Variants in CERS3 observed in about 807,000 individuals in gnomAD.
The protein encoded by CERS3 is LAG1 homolog, ceramide synthase 3.
A neutral mutation model predicts 50.3 loss-of-function variants in CERS3; 33 were observed. The observed-to-expected ratio is 0.66, with a 90% CI of 0.50 to 0.88. CERS3 has a LOEUF of 0.88. Ranked by LOEUF, CERS3 falls within the 40% of genes least tolerant of loss-of-function variation. The pLI, the probability that CERS3 is intolerant of heterozygous loss-of-function variation, is 0.00. For missense variants in CERS3, 470 were observed against 460.3 expected (o/e 1.02, Z -0.19); for synonymous variants, 176 against 155.2 (o/e 1.13, Z -0.99).
At chr15:100,478,823 A>G in intron 7 of CERS3, among the ~76,000 whole-genome samples, 1 of 152,210 alleles carries the variant, frequency 6.6e-6, no homozygotes. Flanking sequence ...GAGGATAATA[A>G]TCCCAGATGG....
chr15:100,442,430 T>G (rs2033720890), intron 11 of CERS3, among the ~76,000 whole-genome samples: 1 of 152,130 alleles, frequency 6.6e-6, no homozygotes, highest in Non-Finnish European at 1.5e-5. Context: ...ACAATGTATT[T>G]CTGAGTTGCA....
chr15:100,455,118 G>T (rs1165077257), intron 11 of CERS3, among the ~76,000 whole-genome samples: 3 of 152,004 alleles, frequency 2.0e-5, no homozygotes, highest in Admixed American at 1.3e-4. Context: ...TAAAGAAGAG[G>T]GAACTCTTAT....
chr15:100,543,923 T>G (rs1288590846), intron 1 of CERS3, among the ~76,000 whole-genome samples: 1 of 152,194 alleles, frequency 6.6e-6, no homozygotes, highest in Admixed American at 6.5e-5. Context: ...TAAAAGGGTA[T>G]CTTTAGTGTT....
chr15:100,405,622 T>C (rs1157836047), intron 11 of CERS3, among the ~76,000 whole-genome samples: 2 of 152,190 alleles, frequency 1.3e-5, no homozygotes, highest in African/African-American at 4.8e-5. Context: ...ATGAATATCA[T>C]TTTCATGACA....
intron 1 of CERS3, among the ~76,000 whole-genome samples, chr15:100,522,893 A>C (rs185909962): frequency 1.3e-5 from 2 of 152,358 alleles, no homozygotes; most frequent in Admixed American, 6.5e-5. Context: ...TCAGTTTAAC[A>C]GATATTGCTG....
rs776669220 is a variant in CERS3 at position 100,401,398 on chromosome 15, G to C, written c.*1315C>G. On this transcript the variant is annotated 3_prime_UTR_variant, in exon 12 of 12. Coordinates refer to ENST00000679737, the MANE Select transcript of CERS3 (RefSeq NM_001378789.1). ...CTCTGGTGACAAGGCCGCAAGGGAG[G>C]CAGGGACGTGTGCAAGTCTTCTCCG... is the stretch of plus-strand genomic sequence containing the variant. 3.3e-5 allele frequency: 5 copies of C among 152,348 alleles called. No individual in the cohort carries two copies. Among genetic ancestry groups the C allele is most frequent in the African/African-American group, 4.8e-5 (2 of 41,446 alleles). 9.4% of individuals were successfully genotyped at this position (152,348 alleles called of 1,614,324 possible).
At chr15:100,483,787 A>ATTATTTTTTTTTTTTTTT (rs760594142) in intron 5 of CERS3, among the ~76,000 whole-genome samples, 16 of 100,020 alleles carry the variant, frequency 1.6e-4, no homozygotes, top group South Asian at 3.7e-4. Flanking sequence ...TATTATTATT[A>ATTATTTTTTTTTTTTTTT]TTTTTTTTTT....
intron 4 of CERS3, among the ~76,000 whole-genome samples, chr15:100,488,664 A>G (rs1379713364): frequency 6.6e-6 from 1 of 152,204 alleles, no homozygotes; most frequent in African/African-American, 2.4e-5. Flanking sequence ...ATCTTGATAT[A>G]CTATACGAAT....
intron 5 of CERS3, among the ~76,000 whole-genome samples, chr15:100,481,245 G>A (rs944114087): frequency 1.3e-5 from 2 of 152,198 alleles, no homozygotes; most frequent in Non-Finnish European, 2.9e-5. Context: ...TTTGGACTCT[G>A]CATCGAGGAG....
At chr15:100,451,456 C>A (rs2034163953) in intron 11 of CERS3, among the ~76,000 whole-genome samples, 1 of 152,202 alleles carries the variant, frequency 6.6e-6, no homozygotes, top group Non-Finnish European at 1.5e-5. Flanking sequence ...GTAATCCCAG[C>A]ACTTTGGGAG....
At chr15:100,404,536 G>C (rs975579840) in intron 11 of CERS3, among the ~76,000 whole-genome samples, 6 of 152,106 alleles carry the variant, frequency 3.9e-5, no homozygotes, top group Admixed American at 3.9e-4. Flanking sequence ...CATAATGAAA[G>C]TATTAATTAT....
At chr15:100,421,474 G>T (rs1166675649) in intron 11 of CERS3, among the ~76,000 whole-genome samples, 1 of 152,056 alleles carries the variant, frequency 6.6e-6, no homozygotes, top group African/African-American at 2.4e-5. Context: ...CTCATGGGTA[G>T]GAAGAAACAA....
intron 10 of CERS3, among the ~76,000 whole-genome samples, chr15:100,468,760 T>C (rs1022750365): frequency 6.6e-6 from 1 of 152,216 alleles, no homozygotes; most frequent in Admixed American, 6.5e-5. Flanking sequence ...GGAGATGTAA[T>C]ATATGCTTTT....
At chr15:100,513,305 T>C (rs2036399468) in intron 2 of CERS3, among the ~76,000 whole-genome samples, 1 of 152,188 alleles carries the variant, frequency 6.6e-6, no homozygotes. Flanking sequence ...GAAGGTTGTG[T>C]CAGAGGCTTT....
chr15:100,478,902 T>G (rs576341567), intron 7 of CERS3, among the ~76,000 whole-genome samples: 1 of 152,222 alleles, frequency 6.6e-6, no homozygotes, highest in Non-Finnish European at 1.5e-5. Context: ...AGAACAATAA[T>G]AGCAATGACT....
intron 5 of CERS3, 128 bp downstream of exon 5, chr15:100,484,419 ACAC>A (rs959871527): frequency 7.7e-6 from 5 of 646,822 alleles, no homozygotes; most frequent in Non-Finnish European, 1.4e-5. Context: ...GGAGCCTAAA[ACAC>A]CACATCAGTG....
intron 8 of CERS3, among the ~76,000 whole-genome samples, chr15:100,474,916 G>T (rs1344366480): frequency 6.6e-6 from 1 of 152,100 alleles, no homozygotes; most frequent in African/African-American, 2.4e-5. Flanking sequence ...ATAGCTTTAT[G>T]TTTCTGAAGA....
At chr15:100,486,353 C>T (rs1189643259) in intron 4 of CERS3, among the ~76,000 whole-genome samples, 1 of 152,186 alleles carries the variant, frequency 6.6e-6, no homozygotes, top group East Asian at 1.9e-4. Context: ...TCCAGTTCTG[C>T]TACCTCCTAG....
chr15:100,412,078 T>C (rs1188546234), intron 11 of CERS3, among the ~76,000 whole-genome samples: 1 of 152,210 alleles, frequency 6.6e-6, no homozygotes, highest in African/African-American at 2.4e-5. Context: ...TTAACTCTGT[T>C]GATGGTGTCT....
Sources: gnomAD v4.1 joint callset for allele counts (sites outside exome capture counted in the v4.1 genomes callset) on GRCh38, gnomAD v4.1.1 for gene constraint, MANE v1.5 for transcripts, NCBI Gene and HGNC (gene_info 2026-07-23, HGNC 2026-07-21) for gene names.